The following SYNE2 variants were observed in gnomAD, a reference collection of about 807,000 sequenced individuals.
The protein encoded by SYNE2 is spectrin repeat containing nuclear envelope protein 2, also known as nesprin-2.
SYNE2 carries 431 observed loss-of-function variants against 856.3 expected under a neutral mutation model. The ratio of observed to expected loss-of-function variants is 0.50; its 90% CI spans 0.47 to 0.55. SYNE2 has a LOEUF of 0.55. Among genes scored for constraint, SYNE2 ranks in the 20% least tolerant of loss-of-function variants. The probability of loss-of-function intolerance (pLI) is 0.00; values close to 1 mark genes in which losing one functional copy is unlikely to be tolerated. For synonymous variants in SYNE2, 2,923 were observed against 2,872.3 expected (o/e 1.02, Z -0.56); for missense variants, 8,129 against 8,023.2 (o/e 1.01, Z -0.50).
intron 52 of SYNE2, among the ~76,000 whole-genome samples, chr14:64,072,398 C>T (rs1208626390): frequency 6.6e-6 from 1 of 152,190 alleles, no homozygotes; most frequent in Admixed American, 6.5e-5. Flanking sequence ...ACTATCCACC[C>T]GGAGACAGCA....
At chr14:63,859,938 C>CCCTT (rs112228648) in intron 1 of SYNE2, among the ~76,000 whole-genome samples, 17,855 of 124,644 alleles carry the variant, frequency 0.14, 2,324 homozygotes, top group African/African-American at 0.26. Flanking sequence ...CTCCCTTCTC[C>CCCTT]CCTTCCTTCC....
rs1152592 is a variant in SYNE2 at position 64,209,380 on chromosome 14, A to G, written c.18390-48A>G. Reference sequence around the variant, plus strand: ...CAGGGGATAAAAGAAGTGCAAAAGCACAGGCTTGGAGGGGATGGCTTGTGT... The same window carrying G: ...CAGGGGATAAAAGAAGTGCAAAAGCGCAGGCTTGGAGGGGATGGCTTGTGT... On this transcript the variant is annotated intron_variant, in intron 101 of 115. Coordinates refer to ENST00000555002, the MANE Select transcript of SYNE2 (RefSeq NM_182914.3). 665,799 of 1,613,528 alleles carry G rather than the reference A, an allele frequency of 0.41. 146,382 individuals carry two copies. The highest frequency in any genetic ancestry group is 0.79 in the African/African-American group (59,485 of 74,984).
intron 1 of SYNE2, among the ~76,000 whole-genome samples, chr14:63,810,364 A>G (rs575487951): frequency 6.6e-6 from 1 of 152,336 alleles, no homozygotes; most frequent in Admixed American, 6.5e-5. Context: ...TCAAAAATGT[A>G]TAAAGTTTGG....
intron 1 of SYNE2, among the ~76,000 whole-genome samples, chr14:63,762,580 G>T (rs1464595777): frequency 7.1e-6 from 1 of 140,146 alleles, no homozygotes; most frequent in African/African-American, 2.6e-5. Flanking sequence ...GGTTATGTAG[G>T]ATAATTTTTT....
intron 1 of SYNE2, among the ~76,000 whole-genome samples, chr14:63,811,743 T>C (rs889188615): frequency 1.3e-5 from 2 of 151,990 alleles, no homozygotes. Flanking sequence ...GGGGGTGACA[T>C]CACATATCAG....
At chr14:64,144,021 A>T in intron 83 of SYNE2, 73 bp downstream of exon 83, 1 of 1,563,292 alleles carries the variant, frequency 6.4e-7, no homozygotes, top group Non-Finnish European at 8.8e-7. Context: ...ATCAAAAAAG[A>T]CGTTCAATTA....
At chr14:63,880,869 C>T (rs2094845032) in intron 1 of SYNE2, among the ~76,000 whole-genome samples, 1 of 150,094 alleles carries the variant, frequency 6.7e-6, no homozygotes, top group African/African-American at 2.5e-5. Flanking sequence ...TTTTTTGAGA[C>T]GGAGTCTTGC....
intron 6 of SYNE2, among the ~76,000 whole-genome samples, chr14:63,945,459 G>T (rs1423629304): frequency 3.9e-5 from 6 of 152,088 alleles, no homozygotes; most frequent in Non-Finnish European, 8.8e-5. Context: ...TTTATATCAT[G>T]TCTGTGAGAT....
Position 64,219,104 on chromosome 14 carries a change from G to GTTTTTTGT in SYNE2, c.19658-98_19658-97insGTTTTTTT. 3 of 407,786 alleles carry GTTTTTTGT rather than the reference G, an allele frequency of 7.4e-6. No homozygotes were observed. The East Asian group carries it at 1.8e-4, about 24-fold the overall frequency. The allele number at this position is 407,786 out of a possible 1,614,324, so 25.3% of individuals were successfully genotyped here. A position where few individuals can be genotyped will look rare whatever the true frequency, so the allele number is the denominator to read the frequency against. Reference sequence around the variant, plus strand: ...CAGGGGAATCCCCTACAGTTTTTTTGTTTTTTTTTTTTTTTTTTTTAACCA... The same window carrying GTTTTTTGT: ...CAGGGGAATCCCCTACAGTTTTTTTGTTTTTTGTTTTTTTTTTTTTTTTTTTTTAACCA... On this transcript the variant is annotated intron_variant, in intron 109 of 115. Transcript: ENST00000555002.
intron 8 of SYNE2, chr14:63,956,554 C>A (rs956998983): frequency 2.4e-6 from 1 of 417,482 alleles, no homozygotes; most frequent in African/African-American, 2.1e-5. Flanking sequence ...TTTTAAGCAG[C>A]TTTATTAAGA....
intron 1 of SYNE2, among the ~76,000 whole-genome samples, chr14:63,893,411 T>A (rs2095180335): frequency 6.6e-6 from 1 of 151,970 alleles, no homozygotes; most frequent in African/African-American, 2.4e-5. Context: ...ACAAAAAAAA[T>A]TAAGAAATTA....
chr14:63,881,257 G>A (rs999137226), intron 1 of SYNE2, among the ~76,000 whole-genome samples: 1 of 152,024 alleles, frequency 6.6e-6, no homozygotes, highest in Admixed American at 6.6e-5. Context: ...GGGTTTGTAG[G>A]TGTGAGCCAC....
chr14:64,069,063 C>T (rs1207948778), intron 51 of SYNE2, among the ~76,000 whole-genome samples: 1 of 152,060 alleles, frequency 6.6e-6, no homozygotes, highest in Non-Finnish European at 1.5e-5. Flanking sequence ...ATTCTTTTTA[C>T]TCTTACTGGA....
At chr14:63,850,088 T>C (rs971680293), upstream of SYNE2, among the ~76,000 whole-genome samples, 1 of 150,988 alleles carries the variant, frequency 6.6e-6, no homozygotes, top group Non-Finnish European at 1.5e-5. Context: ...ACTTTTTTTT[T>C]TTTTTTTTTT....
At chr14:64,038,395 C>G (rs1001154173) in intron 45 of SYNE2, among the ~76,000 whole-genome samples, 1 of 152,052 alleles carries the variant, frequency 6.6e-6, no homozygotes, top group African/African-American at 2.4e-5. Flanking sequence ...ACCTCCCAGA[C>G]GATGGGCGGC....
intron 100 of SYNE2, chr14:64,208,120 C>T: frequency 4.4e-6 from 2 of 456,026 alleles, no homozygotes; most frequent in Non-Finnish European, 8.8e-6. Context: ...CATCAAAGGA[C>T]AAGACTCCAG....
At chr14:63,969,972 T>C (rs1432436638) in intron 11 of SYNE2, among the ~76,000 whole-genome samples, 2 of 152,204 alleles carry the variant, frequency 1.3e-5, no homozygotes, top group Non-Finnish European at 2.9e-5. Flanking sequence ...TCTACCATTA[T>C]GAAATATTCC....
intron 1 of SYNE2, among the ~76,000 whole-genome samples, chr14:63,836,747 T>C (rs1889870658): frequency 6.6e-6 from 1 of 152,178 alleles, no homozygotes; most frequent in Non-Finnish European, 1.5e-5. Flanking sequence ...TGCCTCTCCT[T>C]TCTCCCCCGA....
At chr14:63,880,835 G>C (rs1478834418) in intron 1 of SYNE2, among the ~76,000 whole-genome samples, 1 of 151,126 alleles carries the variant, frequency 6.6e-6, no homozygotes, top group Admixed American at 6.6e-5. Flanking sequence ...ACTGTGACTG[G>C]CTAATTTAAA....
Sources: allele counts gnomAD v4.1 joint callset (sites outside exome capture counted in the v4.1 genomes callset), GRCh38; gene constraint gnomAD v4.1.1; transcripts MANE v1.5; gene names NCBI Gene and HGNC (gene_info 2026-07-23, HGNC 2026-07-21).